The following CRYBG1 variants were observed in gnomAD, a reference collection of about 807,000 sequenced individuals.
CRYBG1 encodes the protein crystallin beta-gamma domain containing 1.
A neutral mutation model predicts 189.2 loss-of-function variants in CRYBG1; 139 were observed. The ratio of observed to expected loss-of-function variants is 0.73; its 90% CI spans 0.64 to 0.85. CRYBG1 has a LOEUF of 0.85. CRYBG1 is among the 40% of genes least tolerant of loss of function. CRYBG1 has a pLI of 0.00. For missense variants in CRYBG1, 2,611 were observed against 2,675.8 expected (o/e 0.98, Z 0.53); for synonymous variants, 1,023 against 1,017.1 (o/e 1.01, Z -0.11).
rs183788868 is a variant in CRYBG1 at position 106,394,237 on chromosome 6, T to C, written c.173+33156T>C. On this transcript the variant is annotated intron_variant, in intron 1 of 21. Coordinates refer to ENST00000633556, the MANE Select transcript of CRYBG1 (RefSeq NM_001371242.2). ...TCTACATCGTTTATCCTTGTCCTCT[T>C]TACCCTTATATTCTTAGGTTTTCCA... is the stretch of plus-strand genomic sequence containing the variant. Among the ~76,000 whole-genome samples, 393 of 152,322 alleles carry C rather than the reference T, an allele frequency of 2.6e-3. 1 individual carries two copies. Among genetic ancestry groups the C allele is most frequent in the Non-Finnish European group, 3.5e-3 (241 of 68,038 alleles).
Position 106,551,924 on chromosome 6 carries a change from T to C in CRYBG1, c.5385T>C (p.Phe1795=). 6.2e-7 allele frequency: 1 copy of C among 1,612,256 alleles called. No individual in the cohort carries two copies. The highest frequency in any genetic ancestry group is 1.3e-5 in the African/African-American group (1 of 75,000). Residue 1795 remains phenylalanine (F), a synonymous_variant, in exon 14 of 22, where the codon TTT becomes TTC. Transcript: ENST00000633556. ...YILDKGFYTS[F]EDWGGKNCKI... Reference sequence around the variant, plus strand: ...TGGATAAAGGATTTTATACCAGTTTTGAGGACTGGGGAGGCAAAAATTGTA... The same window carrying C: ...TGGATAAAGGATTTTATACCAGTTTCGAGGACTGGGGAGGCAAAAATTGTA...
chr6:106,497,458 C>T (rs181711012), intron 2 of CRYBG1, among the ~76,000 whole-genome samples: 232 of 152,300 alleles, frequency 1.5e-3, no homozygotes, highest in African/African-American at 4.9e-3. Context: ...GTCTTTTACA[C>T]CTGTCGGCCT....
intron 21 of CRYBG1, 141 bp downstream of exon 21, chr6:106,564,067 T>C (rs1774801814): frequency 1.3e-6 from 1 of 799,032 alleles, no homozygotes; most frequent in African/African-American, 1.7e-5. Flanking sequence ...CCAGCTGCTG[T>C]GCTAGCCACT....
chr6:106,426,446 C>G (rs540874261), intron 1 of CRYBG1, among the ~76,000 whole-genome samples: 1 of 152,338 alleles, frequency 6.6e-6, no homozygotes, highest in Non-Finnish European at 1.5e-5. Context: ...TTTATACTTG[C>G]TATTTTCGTT....
intron 1 of CRYBG1, among the ~76,000 whole-genome samples, chr6:106,385,883 A>G (rs1246280737): frequency 6.6e-6 from 1 of 152,202 alleles, no homozygotes; most frequent in Non-Finnish European, 1.5e-5. Context: ...GGCTTTAGCA[A>G]TGCAGTTAGC....
chr6:106,434,185 A>T (rs1183907290), intron 1 of CRYBG1, among the ~76,000 whole-genome samples: 1 of 151,992 alleles, frequency 6.6e-6, no homozygotes, highest in African/African-American at 2.4e-5. Context: ...AGACAGAAAG[A>T]GAGAGAAAGA....
chr6:106,401,723 A>T (rs1770724738), intron 1 of CRYBG1, among the ~76,000 whole-genome samples: 1 of 120,248 alleles, frequency 8.3e-6, no homozygotes, highest in East Asian at 2.4e-4. Flanking sequence ...ATGTCCCTAC[A>T]AAGGACATGA....
At position 106,539,456 on chromosome 6, in the gene CRYBG1, C is replaced by G; in HGVS notation, c.4772C>G (p.Pro1591Arg). Residue 1591 changes from proline (P) to arginine (R), a missense_variant, in exon 9 of 22, where the codon CCT (proline) becomes CGT (arginine). Transcript: ENST00000633556. Reference sequence around the variant, plus strand: ...CAGGGTGTTCCTTTCATCCTGGAACCTGGTGAATACCCTGACTTGTCCTTC... The same window carrying G: ...CAGGGTGTTCCTTTCATCCTGGAACGTGGTGAATACCCTGACTTGTCCTTC... ...GFQGVPFILE[P>R]GEYPDLSFWD... is the part of the protein sequence containing the mutation. The G allele has an allele frequency of 6.2e-7, 1 of 1,613,886 alleles. No homozygotes were observed. Among genetic ancestry groups the G allele is most frequent in the Non-Finnish European group, 8.5e-7 (1 of 1,179,846 alleles).
chr6:106,492,971 ATTT>A (rs61116633), intron 2 of CRYBG1, among the ~76,000 whole-genome samples: 2 of 147,458 alleles, frequency 1.4e-5, no homozygotes, highest in Admixed American at 1.4e-4. Context: ...TCTATTTTTA[ATTT>A]TTTTTTTTTT....
chr6:106,529,037 A>AG (rs1773816561), intron 7 of CRYBG1, among the ~76,000 whole-genome samples: 2 of 150,796 alleles, frequency 1.3e-5, no homozygotes, highest in South Asian at 4.2e-4. Context: ...TCTGCCTCCC[A>AG]GGGGTTCAAG....
At chr6:106,435,063 G>A (rs774237502) in intron 1 of CRYBG1, among the ~76,000 whole-genome samples, 4 of 152,132 alleles carry the variant, frequency 2.6e-5, no homozygotes, top group Non-Finnish European at 5.9e-5. Context: ...TAGAATAAAT[G>A]ATTTTGAAAT....
Position 106,438,339 on chromosome 6 carries a change from T to C in CRYBG1, c.174-13355T>C, listed in dbSNP as rs1488381254. ...GGGGTAGCGTGGTATATTAGTTTCC[T>C]GGGGTAGCTATAACAAGTTGCCGTA... On this transcript the variant is annotated intron_variant, in intron 1 of 21. Transcript: ENST00000633556. Among the ~76,000 whole-genome samples the C allele has an allele frequency of 2.0e-5, 3 of 152,256 alleles. No homozygotes were observed. In the South Asian group the frequency reaches 6.2e-4, roughly 31 times the overall value.
chr6:106,436,295 CTTTTT>C (rs56333625), intron 1 of CRYBG1, among the ~76,000 whole-genome samples: 1 of 139,680 alleles, frequency 7.2e-6, no homozygotes, highest in African/African-American at 2.6e-5. Context: ...CATGCAATCT[CTTTTT>C]TTTTTTTTTT....
At position 106,571,954 on chromosome 6, in the gene CRYBG1, C is replaced by A; in HGVS notation, c.*3388C>A. 2 of 1,495,522 alleles carry A rather than the reference C, an allele frequency of 1.3e-6. No homozygotes were observed. The highest frequency in any genetic ancestry group is 1.9e-6 in the Non-Finnish European group (2 of 1,074,868). 92.6% of individuals were successfully genotyped at this position (1,495,522 alleles called of 1,614,324 possible). On this transcript the variant is annotated 3_prime_UTR_variant, in exon 22 of 22. Transcript: ENST00000633556. ...AAAAAAATTTGGGCTCACAGGCACTCACCAAATAAGAACGTCAACAATCAC... is the reference window on the plus strand; with the variant it reads ...AAAAAAATTTGGGCTCACAGGCACTAACCAAATAAGAACGTCAACAATCAC...
Position 106,530,200 on chromosome 6 carries a change from T to C in CRYBG1, c.4603T>C (p.Leu1535=), listed in dbSNP as rs1562107059. ...GGATTACAGAGTTAGTCACATTGAC[T>C]TATTTACTGAACCAGAAGGGTTAGG... The part of the protein sequence containing the change: ...VQDYRVSHID[L]FTEPEGLGIL... Residue 1535 remains leucine (L), a synonymous_variant, in exon 8 of 22, where the codon TTA becomes CTA. Coordinates refer to ENST00000633556, the MANE Select transcript of CRYBG1 (RefSeq NM_001371242.2). The C allele has an allele frequency of 6.2e-7, 1 of 1,612,714 alleles. No homozygotes were observed. The highest frequency in any genetic ancestry group is 2.2e-5 in the East Asian group (1 of 44,816).
chr6:106,568,273 G>A (rs144319262), intron 21 of CRYBG1, among the ~76,000 whole-genome samples, 199 bp from the exon 22 acceptor site: 7 of 152,338 alleles, frequency 4.6e-5, no homozygotes, highest in African/African-American at 1.7e-4. Flanking sequence ...GTGGGATCTG[G>A]ACAGATTCAC....
chr6:106,439,343 A>G (rs1218751417), intron 1 of CRYBG1, among the ~76,000 whole-genome samples: 2 of 152,112 alleles, frequency 1.3e-5, no homozygotes, highest in African/African-American at 4.8e-5. Flanking sequence ...ATGTCCTACC[A>G]TTATTCAGTT....
At chr6:106,409,005 G>A (rs930226429) in intron 1 of CRYBG1, among the ~76,000 whole-genome samples, 4 of 152,184 alleles carry the variant, frequency 2.6e-5, no homozygotes. Flanking sequence ...TCAACATAGT[G>A]TTGGAAGTTC....
intron 2 of CRYBG1, among the ~76,000 whole-genome samples, chr6:106,499,988 A>G (rs1227141788): frequency 1.3e-5 from 2 of 152,212 alleles, no homozygotes; most frequent in Non-Finnish European, 2.9e-5. Flanking sequence ...AGTGTTCCCA[A>G]TGACAGAATT....
Sources: allele counts gnomAD v4.1 joint callset (sites outside exome capture counted in the v4.1 genomes callset), GRCh38; gene constraint gnomAD v4.1.1; transcripts MANE v1.5; gene names NCBI Gene and HGNC (gene_info 2026-07-23, HGNC 2026-07-21).